DAB1: variants seen among roughly 807,000 people sequenced by gnomAD.
DAB1 encodes the protein disabled homolog 1.
Under a neutral mutation model 64.6 loss-of-function variants are expected in DAB1, and 15 were observed. That is an observed-to-expected ratio of 0.23 (90% CI 0.16 to 0.36). DAB1 has a LOEUF of 0.36. Ranked by LOEUF, DAB1 falls within the 10% of genes least tolerant of loss-of-function variation. The pLI is 1.00. For synonymous variants in DAB1, 235 were observed against 251.9 expected (o/e 0.93, Z 0.64); for missense variants, 596 against 706.7 (o/e 0.84, Z 1.78).
intron 4 of DAB1, among the ~76,000 whole-genome samples, chr1:58,300,652 GGAAGGAAGGAAGGA>G (rs1557726384): frequency 9.5e-5 from 8 of 84,654 alleles, no homozygotes; most frequent in African/African-American, 4.3e-4. Flanking sequence ...GAGAGAGGAA[GGAAGGAAGGAAGGA>G]AGGAAGGAAG....
rs1033870744 is a variant in DAB1 at position 57,781,603 on chromosome 1, T to C, written n.551+102396A>G. ...AAACTAAGTAACACAGTTGTGTAAA[T>C]AGCAGGGAGAAATTTTAAGCACAGG... On this transcript the variant is annotated intron_variant and non_coding_transcript_variant, in intron 6 of 20. Coordinates refer to the DAB1 transcript ENST00000485760. Among the ~76,000 whole-genome samples the C allele has an allele frequency of 6.0e-5, 9 of 151,244 alleles. No individual in the cohort carries two copies. The Admixed American group carries it at 6.0e-4, about 10-fold the overall frequency.
chr1:57,523,153 C>T (rs1056452881), intron 7 of DAB1, among the ~76,000 whole-genome samples: 5 of 152,118 alleles, frequency 3.3e-5, no homozygotes, highest in Non-Finnish European at 5.9e-5. Flanking sequence ...AGTCCTGTCC[C>T]TCTAGAGAAC....
intron 4 of DAB1, among the ~76,000 whole-genome samples, chr1:57,089,407 G>A (rs762101551): frequency 9.9e-5 from 15 of 152,078 alleles, no homozygotes; most frequent in African/African-American, 3.4e-4. Flanking sequence ...ACTGTTCTTC[G>A]GGCTGTACAA....
At chr1:57,169,919 G>T (rs1661568237) in intron 2 of DAB1, among the ~76,000 whole-genome samples, 1 of 152,040 alleles carries the variant, frequency 6.6e-6, no homozygotes, top group South Asian at 2.1e-4. Context: ...CGCCACTGCA[G>T]TTGTCCTTAT....
chr1:57,498,815 G>T (rs139392955), intron 7 of DAB1, among the ~76,000 whole-genome samples: 1,682 of 152,312 alleles, frequency 0.011, 35 homozygotes, highest in African/African-American at 0.038. Flanking sequence ...AGACTGAAGT[G>T]ACTCTAGCAT....
chr1:57,461,725 C>A (rs1022350182), intron 7 of DAB1, among the ~76,000 whole-genome samples: 3 of 152,114 alleles, frequency 2.0e-5, no homozygotes, highest in African/African-American at 2.4e-5. Flanking sequence ...CTCATTCATG[C>A]CCCTGTGCAT....
At chr1:57,961,241 G>A (rs11576399) in intron 5 of DAB1, among the ~76,000 whole-genome samples, 58,503 of 151,870 alleles carry the variant, frequency 0.39, 12,792 homozygotes, top group Admixed American at 0.5. Flanking sequence ...GTATACATTT[G>A]TATATAGGTA....
chr1:58,383,793 C>T (rs763727670), intron 3 of DAB1, among the ~76,000 whole-genome samples: 17 of 152,144 alleles, frequency 1.1e-4, no homozygotes, highest in Non-Finnish European at 1.9e-4. Context: ...GATGAGCACA[C>T]GGGTTGTTTC....
chr1:58,123,965 T>C (rs1351627718), intron 5 of DAB1, among the ~76,000 whole-genome samples: 1 of 152,084 alleles, frequency 6.6e-6, no homozygotes, highest in East Asian at 1.9e-4. Flanking sequence ...TTAAGAATTA[T>C]ATGAATTGTA....
chr1:58,495,260 G>C (rs1363871421), intron 3 of DAB1, among the ~76,000 whole-genome samples: 7 of 152,040 alleles, frequency 4.6e-5, no homozygotes, highest in African/African-American at 1.7e-4. Context: ...CACACACAGG[G>C]GTCTGTTGTG....
At chr1:57,357,783 GA>G (rs1369941814) in intron 1 of DAB1, among the ~76,000 whole-genome samples, 5 of 151,738 alleles carry the variant, frequency 3.3e-5, no homozygotes, top group Non-Finnish European at 5.9e-5. Flanking sequence ...GCAAAAGGGG[GA>G]AATCCCCTTA....
intron 1 of DAB1, among the ~76,000 whole-genome samples, chr1:57,863,689 A>G (rs529366838): frequency 6.6e-6 from 1 of 152,304 alleles, no homozygotes; most frequent in Admixed American, 6.5e-5. Flanking sequence ...TGTTATGGAA[A>G]TGTATTAGAA....
At chr1:57,169,787 C>T (rs1661555386) in intron 2 of DAB1, among the ~76,000 whole-genome samples, 2 of 152,000 alleles carry the variant, frequency 1.3e-5, no homozygotes, top group African/African-American at 2.4e-5. Flanking sequence ...TCTCCTTTTC[C>T]CCTGATGTTT....
chr1:57,337,865 T>TCCCTC (rs1188051726), intron 1 of DAB1, among the ~76,000 whole-genome samples: 23 of 131,004 alleles, frequency 1.8e-4, no homozygotes, highest in East Asian at 4.1e-4. Context: ...CCCTTTCCCT[T>TCCCTC]CCCTCCCCTC....
At chr1:58,111,721 T>A (rs1167410014) in intron 5 of DAB1, among the ~76,000 whole-genome samples, 1 of 152,170 alleles carries the variant, frequency 6.6e-6, no homozygotes, top group African/African-American at 2.4e-5. Context: ...CCTAGATCTA[T>A]CCACTTGTCT....
intron 4 of DAB1, among the ~76,000 whole-genome samples, chr1:58,272,705 G>C (rs955807457): frequency 6.6e-6 from 1 of 150,896 alleles, no homozygotes; most frequent in African/African-American, 2.4e-5. Flanking sequence ...GAATCTGGGT[G>C]CTCCTGTATT....
At chr1:58,026,759 A>T (rs1047603944) in intron 5 of DAB1, among the ~76,000 whole-genome samples, 25 of 152,192 alleles carry the variant, frequency 1.6e-4, no homozygotes, top group Non-Finnish European at 2.4e-4. Flanking sequence ...CAGTCCCTTA[A>T]GGAATATAGA....
intron 4 of DAB1, among the ~76,000 whole-genome samples, chr1:58,288,625 T>C (rs1372094888): frequency 6.6e-6 from 1 of 152,200 alleles, no homozygotes; most frequent in Non-Finnish European, 1.5e-5. Flanking sequence ...CTGTGAAAAG[T>C]TCGTCTTTTA....
intron 7 of DAB1, among the ~76,000 whole-genome samples, chr1:57,459,437 G>T (rs1274371171): frequency 6.6e-6 from 1 of 152,002 alleles, no homozygotes; most frequent in Non-Finnish European, 1.5e-5. Flanking sequence ...ATTTCCTTGG[G>T]ATATTCTCCA....
Sources: allele counts gnomAD v4.1 joint callset (sites outside exome capture counted in the v4.1 genomes callset), GRCh38; gene constraint gnomAD v4.1.1; transcripts MANE v1.5; gene names NCBI Gene and HGNC (gene_info 2026-07-23, HGNC 2026-07-21).